Variants in TRIM44 observed in about 807,000 individuals in gnomAD.
The protein encoded by TRIM44 is tripartite motif-containing protein 44.
In TRIM44, 13 loss-of-function variants were observed where a neutral mutation model predicts 37.4. The observed-to-expected ratio is 0.35, with a 90% CI of 0.23 to 0.55. The LOEUF (loss-of-function observed/expected upper bound fraction) is 0.55, where lower values mean the gene tolerates loss of function less well. TRIM44 is among the 20% of genes least tolerant of loss of function. The pLI is 0.89. For synonymous variants in TRIM44, 175 were observed against 157.2 expected (o/e 1.11, Z -0.85); for missense variants, 426 against 437.2 (o/e 0.97, Z 0.23).
At chr11:35,682,061 C>T (rs761948485) in intron 1 of TRIM44, among the ~76,000 whole-genome samples, 2 of 149,196 alleles carry the variant, frequency 1.3e-5, no homozygotes, top group Admixed American at 1.4e-4. Flanking sequence ...CAGGTTCAGG[C>T]GATTCTCCTG....
intron 1 of TRIM44, among the ~76,000 whole-genome samples, chr11:35,670,862 T>G (rs978615818): frequency 6.6e-6 from 1 of 152,240 alleles, no homozygotes; most frequent in African/African-American, 2.4e-5. Context: ...AGCATGACAT[T>G]TGCTCTTTTA....
chr11:35,691,157 C>G (rs532950159), intron 2 of TRIM44, among the ~76,000 whole-genome samples: 13 of 152,290 alleles, frequency 8.5e-5, no homozygotes, highest in Admixed American at 2.6e-4. Context: ...ATTTAGCCCT[C>G]GCTAAATGAA....
rs554211887 is a variant in TRIM44 at position 35,711,626 on chromosome 11, C to T, written c.748-14298C>T. ...AAAAAATTAGCCAGGCATAGAGGCA[C>T]ATGCCTATTGTCCCAGCTACTTGGG... On this transcript the variant is annotated intron_variant, in intron 2 of 4. Transcript: ENST00000299413. Among the ~76,000 whole-genome samples, 6 of 152,218 alleles carry T rather than the reference C, an allele frequency of 3.9e-5. No individual in the cohort carries two copies. In the East Asian group the frequency reaches 9.7e-4, roughly 25 times the overall value.
At chr11:35,769,761 T>C (rs550877764) in intron 4 of TRIM44, among the ~76,000 whole-genome samples, 3 of 152,318 alleles carry the variant, frequency 2.0e-5, no homozygotes, top group African/African-American at 7.2e-5. Flanking sequence ...TACAGTTGGC[T>C]CTCAATTGAT....
intron 1 of TRIM44, among the ~76,000 whole-genome samples, chr11:35,682,082 C>T (rs555626803): frequency 1.3e-5 from 2 of 151,742 alleles, no homozygotes; most frequent in South Asian, 4.2e-4. Context: ...CCTCAGCCTC[C>T]CGAGTAGCTG....
At chr11:35,686,506 G>A (rs1294006814) in intron 2 of TRIM44, among the ~76,000 whole-genome samples, 1 of 151,732 alleles carries the variant, frequency 6.6e-6, no homozygotes, top group Non-Finnish European at 1.5e-5. Flanking sequence ...TGAGTGTACA[G>A]TTCAATGGCA....
At chr11:35,745,322 T>G (rs557328062) in intron 4 of TRIM44, among the ~76,000 whole-genome samples, 1 of 152,232 alleles carries the variant, frequency 6.6e-6, no homozygotes, top group Admixed American at 6.5e-5. Flanking sequence ...CTTGTATGTC[T>G]TCTTTGGAGA....
At chr11:35,799,581 C>T (rs922151768) in intron 4 of TRIM44, among the ~76,000 whole-genome samples, 6 of 152,180 alleles carry the variant, frequency 3.9e-5, no homozygotes, top group African/African-American at 1.4e-4. Context: ...AAAAGACAGG[C>T]TCATCTCTTA....
Position 35,807,170 on chromosome 11 carries a change from C to A in TRIM44, c.*785C>A, listed in dbSNP as rs547795837. 5.9e-5 allele frequency: 9 copies of A among 152,276 alleles called. No individual in the cohort carries two copies. Among genetic ancestry groups the A allele is most frequent in the African/African-American group, 2.2e-4 (9 of 41,568 alleles). 9.4% of individuals were successfully genotyped at this position (152,276 alleles called of 1,614,324 possible). Reference sequence around the variant, plus strand: ...ATAGTCAGTAAAGGATCTAATAGAACCAGAATTATTTGGGTGAATTCTGCA... The same window carrying A: ...ATAGTCAGTAAAGGATCTAATAGAAACAGAATTATTTGGGTGAATTCTGCA... On this transcript the variant is annotated 3_prime_UTR_variant, in exon 5 of 5. Coordinates refer to ENST00000299413, the MANE Select transcript of TRIM44 (RefSeq NM_017583.6).
At chr11:35,733,903 T>A (rs1435893551) in intron 3 of TRIM44, among the ~76,000 whole-genome samples, 1 of 152,210 alleles carries the variant, frequency 6.6e-6, no homozygotes, top group Non-Finnish European at 1.5e-5. Context: ...GCTAGTTCAG[T>A]GTTCTTCCCA....
chr11:35,669,379 T>G (rs934996198), intron 1 of TRIM44, among the ~76,000 whole-genome samples: 2 of 152,166 alleles, frequency 1.3e-5, no homozygotes, highest in Non-Finnish European at 2.9e-5. Flanking sequence ...TAGTAACAAG[T>G]TTAGTTTGCT....
chr11:35,680,464 A>G (rs1271839533), intron 1 of TRIM44, among the ~76,000 whole-genome samples: 2 of 152,112 alleles, frequency 1.3e-5, no homozygotes, highest in Admixed American at 6.5e-5. Context: ...TTTAAATTCA[A>G]CAATATGTCA....
chr11:35,669,341 T>C (rs1203534410), intron 1 of TRIM44, among the ~76,000 whole-genome samples: 1 of 152,152 alleles, frequency 6.6e-6, no homozygotes, highest in Admixed American at 6.5e-5. Flanking sequence ...TTTGTTAACC[T>C]CTCTACCTTC....
chr11:35,718,354 G>A (rs1486467432), intron 2 of TRIM44, among the ~76,000 whole-genome samples: 2 of 152,110 alleles, frequency 1.3e-5, no homozygotes, highest in Admixed American at 6.5e-5. Context: ...TATTAGGTTG[G>A]TGTAAAAGTA....
chr11:35,765,890 G>A (rs1308612178), intron 4 of TRIM44, among the ~76,000 whole-genome samples: 4 of 151,922 alleles, frequency 2.6e-5, no homozygotes, highest in South Asian at 4.2e-4. Context: ...TGTGTTTGTC[G>A]GAGACTAATT....
intron 2 of TRIM44, among the ~76,000 whole-genome samples, chr11:35,720,742 T>G (rs1378917525): frequency 6.6e-6 from 1 of 152,072 alleles, no homozygotes; most frequent in African/African-American, 2.4e-5. Flanking sequence ...CTGAGAGTTT[T>G]TATAATAAAT....
chr11:35,672,866 G>A (rs1020442781), intron 1 of TRIM44, among the ~76,000 whole-genome samples: 1 of 152,136 alleles, frequency 6.6e-6, no homozygotes, highest in Non-Finnish European at 1.5e-5. Flanking sequence ...TGTAGCACTG[G>A]CATACATAGT....
chr11:35,788,639 G>C (rs558515628), intron 4 of TRIM44, among the ~76,000 whole-genome samples: 1 of 152,154 alleles, frequency 6.6e-6, no homozygotes, highest in Non-Finnish European at 1.5e-5. Context: ...CTAAGTGATC[G>C]TCTTGCCTTT....
At chr11:35,727,895 A>G (rs1336945313) in intron 3 of TRIM44, among the ~76,000 whole-genome samples, 1 of 152,254 alleles carries the variant, frequency 6.6e-6, no homozygotes, top group Non-Finnish European at 1.5e-5. Flanking sequence ...CAAGATGGTC[A>G]GTTTGTGTCT....
Sources: gnomAD v4.1 joint callset for allele counts (sites outside exome capture counted in the v4.1 genomes callset) on GRCh38, gnomAD v4.1.1 for gene constraint, MANE v1.5 for transcripts, NCBI Gene and HGNC (gene_info 2026-07-23, HGNC 2026-07-21) for gene names.